PTPRD: variants seen among roughly 807,000 people sequenced by gnomAD.
The protein encoded by PTPRD is receptor-type tyrosine-protein phosphatase delta.
Under a neutral mutation model 214.5 loss-of-function variants are expected in PTPRD, and 34 were observed. That is an observed-to-expected ratio of 0.16 (90% CI 0.12 to 0.21). PTPRD has a LOEUF of 0.21. Among genes scored for constraint, PTPRD ranks in the 10% least tolerant of loss-of-function variants. PTPRD has a pLI of 1.00. For missense variants in PTPRD, 2,545 were observed against 2,398.7 expected (o/e 1.06, Z -1.27); for synonymous variants, 1,128 against 845.7 (o/e 1.33, Z -5.79).
At chr9:9,113,309 A>G (rs2099808732) in intron 10 of PTPRD, among the ~76,000 whole-genome samples, 1 of 152,032 alleles carries the variant, frequency 6.6e-6, no homozygotes, top group South Asian at 2.1e-4. Flanking sequence ...TATCTATTGC[A>G]TCCATCTTTC....
At chr9:9,040,286 T>C (rs1241559006) in intron 10 of PTPRD, among the ~76,000 whole-genome samples, 2 of 152,164 alleles carry the variant, frequency 1.3e-5, no homozygotes, top group Non-Finnish European at 1.5e-5. Context: ...TACACTATGG[T>C]ATTTTCACAT....
At chr9:9,009,272 G>T (rs1054372032) in intron 11 of PTPRD, among the ~76,000 whole-genome samples, 4 of 152,064 alleles carry the variant, frequency 2.6e-5, no homozygotes, top group Non-Finnish European at 1.5e-5. Flanking sequence ...GAGAAATTGA[G>T]AATTAATAAA....
At chr9:10,274,775 A>G (rs968769719) in intron 3 of PTPRD, among the ~76,000 whole-genome samples, 2 of 152,080 alleles carry the variant, frequency 1.3e-5, no homozygotes, top group Admixed American at 1.3e-4. Flanking sequence ...CTACATTTAC[A>G]TTTTTCTGTA....
At chr9:9,159,789 C>T (rs982709541) in intron 10 of PTPRD, among the ~76,000 whole-genome samples, 10 of 152,128 alleles carry the variant, frequency 6.6e-5, no homozygotes, top group South Asian at 2.1e-4. Context: ...AGGAGGCTCA[C>T]GCTTCATGAT....
At chr9:10,162,297 T>A (rs898141203) in intron 3 of PTPRD, among the ~76,000 whole-genome samples, 3 of 151,542 alleles carry the variant, frequency 2.0e-5, no homozygotes, top group African/African-American at 7.2e-5. Context: ...ATCAACCTAA[T>A]TGCCTGTCAA....
At chr9:9,796,593 T>G (rs1373581895) in intron 5 of PTPRD, among the ~76,000 whole-genome samples, 1 of 152,094 alleles carries the variant, frequency 6.6e-6, no homozygotes, top group African/African-American at 2.4e-5. Flanking sequence ...TGTAGCCTGA[T>G]AAATGTGTGG....
chr9:9,856,443 T>C (rs974574474), intron 5 of PTPRD, among the ~76,000 whole-genome samples: 1 of 151,988 alleles, frequency 6.6e-6, no homozygotes, highest in Non-Finnish European at 1.5e-5. Flanking sequence ...CCTGTCTCTA[T>C]CAAAAGTACA....
intron 3 of PTPRD, among the ~76,000 whole-genome samples, chr9:10,089,138 T>C (rs1017533328): frequency 1.3e-5 from 2 of 151,068 alleles, no homozygotes; most frequent in Non-Finnish European, 3.0e-5. Flanking sequence ...GCCTAGGAGT[T>C]TGAGGTTGCA....
intron 12 of PTPRD, among the ~76,000 whole-genome samples, chr9:8,646,919 G>A (rs944240950): frequency 2.6e-5 from 4 of 151,082 alleles, no homozygotes; most frequent in East Asian, 1.9e-4. Context: ...TATTTAGGAC[G>A]GATAATAATA....
chr9:8,420,565 C>A (rs987285870), intron 35 of PTPRD, among the ~76,000 whole-genome samples: 4 of 151,950 alleles, frequency 2.6e-5, no homozygotes, highest in Non-Finnish European at 5.9e-5. Context: ...GATTATAGAT[C>A]AAAAACAAAA....
chr9:9,106,160 T>C (rs2099798281), intron 10 of PTPRD, among the ~76,000 whole-genome samples: 1 of 152,150 alleles, frequency 6.6e-6, no homozygotes, highest in Non-Finnish European at 1.5e-5. Context: ...TGGGTCACTG[T>C]GTTATAGGGC....
intron 7 of PTPRD, among the ~76,000 whole-genome samples, chr9:9,578,067 A>AT (rs2089562261): frequency 6.7e-6 from 1 of 149,794 alleles, no homozygotes; most frequent in Admixed American, 6.7e-5. Context: ...AAAAAAAAAA[A>AT]AAAAGAGGAT....
chr9:8,776,911 T>TATAAATATTATATAATAC (rs1565976021), intron 11 of PTPRD, among the ~76,000 whole-genome samples: 608 of 21,528 alleles, frequency 0.028, 4 homozygotes, highest in African/African-American at 0.13. Context: ...ATATGTATAA[T>TATAAATATTATATAATAC]ATATGTATAA....
At chr9:8,940,835 G>GATC (rs1358308181) in intron 11 of PTPRD, among the ~76,000 whole-genome samples, 1 of 136,842 alleles carries the variant, frequency 7.3e-6, no homozygotes, top group East Asian at 2.0e-4. Flanking sequence ...TAGTGATGAT[G>GATC]ATGATGATGA....
At chr9:8,383,685 A>C (rs1373723685) in intron 37 of PTPRD, among the ~76,000 whole-genome samples, 1 of 152,166 alleles carries the variant, frequency 6.6e-6, no homozygotes, top group East Asian at 1.9e-4. Flanking sequence ...TTGGATTACA[A>C]TAAAAATCAT....
At chr9:8,858,015 T>TTTC (rs1185084031) in intron 11 of PTPRD, 1 of 139,144 alleles carries the variant, frequency 7.2e-6, no homozygotes, top group Non-Finnish European at 1.5e-5. Flanking sequence ...TCCGCGGCGG[T>TTTC]TTCTCCTCCT....
At chr9:8,925,853 G>A (rs2098882619) in intron 11 of PTPRD, among the ~76,000 whole-genome samples, 1 of 110,312 alleles carries the variant, frequency 9.1e-6, no homozygotes, top group Non-Finnish European at 1.8e-5. Flanking sequence ...CTGGACTATT[G>A]CAATATTTTT....
intron 7 of PTPRD, among the ~76,000 whole-genome samples, chr9:9,701,728 G>A (rs986377198): frequency 1.1e-4 from 17 of 152,112 alleles, no homozygotes; most frequent in Non-Finnish European, 2.5e-4. Flanking sequence ...TTTCAAATGA[G>A]AAGGATGAAT....
chr9:9,403,139 A>C (rs2071541668), intron 8 of PTPRD, among the ~76,000 whole-genome samples: 1 of 151,198 alleles, frequency 6.6e-6, no homozygotes, highest in Non-Finnish European at 1.5e-5. Flanking sequence ...AAAATACAAA[A>C]AATTAGCTGG....
Sources: allele counts gnomAD v4.1 joint callset (sites outside exome capture counted in the v4.1 genomes callset), GRCh38; gene constraint gnomAD v4.1.1; transcripts MANE v1.5; gene names NCBI Gene and HGNC (gene_info 2026-07-23, HGNC 2026-07-21).